Variants in DLG2 observed in about 807,000 individuals in gnomAD.
The protein encoded by DLG2 is discs large MAGUK scaffold protein 2.
A neutral mutation model predicts 132.5 loss-of-function variants in DLG2; 45 were observed. That is an observed-to-expected ratio of 0.34 (90% CI 0.27 to 0.44). The LOEUF is 0.44. Among genes scored for constraint, DLG2 ranks in the 20% least tolerant of loss-of-function variants. The pLI is 1.00. For missense variants in DLG2, 1,045 were observed against 1,196.9 expected (o/e 0.87, Z 1.87); for synonymous variants, 424 against 419.6 (o/e 1.01, Z -0.13).
At chr11:84,522,593 G>A (rs187080016) in intron 7 of DLG2, among the ~76,000 whole-genome samples, 53 of 152,276 alleles carry the variant, frequency 3.5e-4, no homozygotes, top group Middle Eastern at 3.4e-3. Context: ...CCTGGGAGCT[G>A]CATTAGGATT....
intron 6 of DLG2, among the ~76,000 whole-genome samples, chr11:85,095,931 T>C (rs748651808): frequency 3.2e-4 from 48 of 152,332 alleles, no homozygotes; most frequent in Middle Eastern, 3.4e-3. Context: ...TGAAGCCAGC[T>C]GAGCTTCTGG....
chr11:84,337,818 T>C (rs1348857196), intron 7 of DLG2, among the ~76,000 whole-genome samples: 1 of 152,084 alleles, frequency 6.6e-6, no homozygotes, highest in Admixed American at 6.6e-5. Context: ...ATCCTAGAAA[T>C]GAAGGAAAGT....
chr11:83,855,192 G>T (rs1257112066), intron 16 of DLG2, among the ~76,000 whole-genome samples: 6 of 152,178 alleles, frequency 3.9e-5, no homozygotes, highest in Non-Finnish European at 7.3e-5. Context: ...GCAAGGATGT[G>T]TACCTGCACT....
intron 8 of DLG2, among the ~76,000 whole-genome samples, chr11:84,237,793 T>G (rs551438870): frequency 6.6e-6 from 1 of 151,794 alleles, no homozygotes; most frequent in Admixed American, 6.6e-5. Context: ...ATCCCAGCAC[T>G]TTGGGAGGCT....
chr11:85,385,683 C>CATAGCT (rs1565412458), intron 3 of DLG2, among the ~76,000 whole-genome samples: 4 of 152,152 alleles, frequency 2.6e-5, no homozygotes, highest in African/African-American at 9.7e-5. Flanking sequence ...TATGCTAAGG[C>CATAGCT]TGTGAAACTG....
intron 2 of DLG2, among the ~76,000 whole-genome samples, chr11:85,606,243 A>T (rs532660816): frequency 9.2e-4 from 140 of 152,314 alleles, no homozygotes; most frequent in Non-Finnish European, 1.6e-3. Flanking sequence ...GAATGATCAC[A>T]ATTTTATCAT....
chr11:84,660,057 A>G (rs2099692837), intron 6 of DLG2, among the ~76,000 whole-genome samples: 1 of 152,052 alleles, frequency 6.6e-6, no homozygotes, highest in African/African-American at 2.4e-5. Flanking sequence ...TAGTGCTCAG[A>G]GTTTTTACTG....
intron 6 of DLG2, among the ~76,000 whole-genome samples, chr11:84,963,321 C>A (rs1021818354): frequency 3.9e-5 from 6 of 152,114 alleles, no homozygotes; most frequent in African/African-American, 1.4e-4. Flanking sequence ...AAAATATCTG[C>A]ACTATATTGT....
intron 6 of DLG2, among the ~76,000 whole-genome samples, chr11:85,108,742 G>A (rs991930909): frequency 5.3e-5 from 8 of 152,006 alleles, no homozygotes; most frequent in African/African-American, 1.7e-4. Context: ...AGTAAACATT[G>A]CTGACTAGTA....
intron 7 of DLG2, among the ~76,000 whole-genome samples, chr11:84,497,734 T>C (rs1377601252): frequency 1.3e-5 from 2 of 152,172 alleles, no homozygotes; most frequent in African/African-American, 4.8e-5. Flanking sequence ...TCAACCTCCA[T>C]GGAAATTAAA....
At chr11:83,514,121 G>C (rs1248451820) in intron 21 of DLG2, among the ~76,000 whole-genome samples, 1 of 152,190 alleles carries the variant, frequency 6.6e-6, no homozygotes, top group East Asian at 1.9e-4. Flanking sequence ...ACCTTGGGCA[G>C]TATGGCCATT....
At chr11:83,717,893 G>T (rs1335110751) in intron 18 of DLG2, among the ~76,000 whole-genome samples, 2 of 152,242 alleles carry the variant, frequency 1.3e-5, no homozygotes, top group African/African-American at 2.4e-5. Flanking sequence ...CAGATCCTTT[G>T]GGTTATATCT....
At chr11:83,539,342 A>T (rs1478906402) in intron 20 of DLG2, among the ~76,000 whole-genome samples, 5 of 152,174 alleles carry the variant, frequency 3.3e-5, no homozygotes, top group African/African-American at 4.8e-5. Flanking sequence ...GATTTAAAAA[A>T]TTTTCCAGAT....
intron 3 of DLG2, among the ~76,000 whole-genome samples, chr11:85,355,744 T>C (rs2083641897): frequency 6.6e-6 from 1 of 152,090 alleles, no homozygotes; most frequent in Non-Finnish European, 1.5e-5. Flanking sequence ...TGGATAACAA[T>C]ATATATAACC....
chr11:84,882,867 G>C (rs1014850451), intron 6 of DLG2, among the ~76,000 whole-genome samples: 18 of 152,034 alleles, frequency 1.2e-4, no homozygotes, highest in Admixed American at 9.8e-4. Flanking sequence ...GAAAGTTTTA[G>C]AGAGGATGAC....
At chr11:84,747,109 G>T (rs568538797) in intron 6 of DLG2, among the ~76,000 whole-genome samples, 2 of 152,120 alleles carry the variant, frequency 1.3e-5, no homozygotes, top group Non-Finnish European at 2.9e-5. Flanking sequence ...TAAGGTACAT[G>T]GGTTTTGTAG....
intron 7 of DLG2, among the ~76,000 whole-genome samples, chr11:84,505,134 G>C (rs1309839814): frequency 6.6e-6 from 1 of 152,064 alleles, no homozygotes. Context: ...TGGTGATATA[G>C]TAGTATTAAA....
intron 6 of DLG2, among the ~76,000 whole-genome samples, chr11:84,703,883 T>TATATATATATATATATATATAAAA (rs1555174924): frequency 8.3e-6 from 1 of 119,916 alleles, no homozygotes; most frequent in Non-Finnish European, 1.6e-5. Flanking sequence ...TATATATATA[T>TATATATATATATATATATATAAAA]ACACGTGTGT....
intron 18 of DLG2, among the ~76,000 whole-genome samples, chr11:83,689,101 A>C (rs1201423753): frequency 6.6e-6 from 1 of 152,172 alleles, no homozygotes. Flanking sequence ...GCTGCATAGC[A>C]TATTTTTATA....
Sources: allele counts gnomAD v4.1 joint callset (sites outside exome capture counted in the v4.1 genomes callset), GRCh38; gene constraint gnomAD v4.1.1; transcripts MANE v1.5; gene names NCBI Gene and HGNC (gene_info 2026-07-23, HGNC 2026-07-21).